Variants in CELF2 observed in about 807,000 individuals in gnomAD.
CELF2 encodes the protein CUGBP Elav-like family member 2, also known as CUG triplet repeat RNA-binding protein 2.
Under a neutral mutation model 62.6 loss-of-function variants are expected in CELF2, and 8 were observed. The ratio of observed to expected loss-of-function variants is 0.13; its 90% CI spans 0.07 to 0.23. CELF2 has a LOEUF of 0.23. CELF2 is among the 10% of genes least tolerant of loss of function. The pLI is 1.00. For missense variants in CELF2, 333 were observed against 671.0 expected (o/e 0.50, Z 5.56); for synonymous variants, 258 against 250.0 (o/e 1.03, Z -0.30).
intron 1 of CELF2, among the ~76,000 whole-genome samples, chr10:10,856,518 T>G (rs1406380663): frequency 6.6e-6 from 1 of 152,214 alleles, no homozygotes; most frequent in African/African-American, 2.4e-5. Flanking sequence ...CATATTCTTC[T>G]GCTTACTGAA....
At chr10:10,473,775 CAGAGTCACACACTAAGCT>C in the CELF2 span, among the ~76,000 whole-genome samples, 8 of 151,954 alleles carry the variant, frequency 5.3e-5, no homozygotes, top group Non-Finnish European at 1.2e-4. Context: ...ATTATTGGTC[CAGAGTCACACACTAAGCT>C]CTTGGAAGAA....
intron 2 of CELF2, among the ~76,000 whole-genome samples, chr10:11,199,402 C>A (rs1028107946): frequency 6.6e-6 from 1 of 152,124 alleles, no homozygotes; most frequent in Non-Finnish European, 1.5e-5. Flanking sequence ...CCGGGCCATC[C>A]TTGCTATTGC....
At chr10:10,508,704 G>GTATA in the CELF2 span, among the ~76,000 whole-genome samples, 87 of 60,942 alleles carry the variant, frequency 1.4e-3, no homozygotes, top group African/African-American at 4.4e-3. Context: ...GTGTGTGTGT[G>GTATA]TATATTTTTT....
At chr10:10,986,429 T>C (rs1176746445) in intron 2 of CELF2, among the ~76,000 whole-genome samples, 1 of 152,240 alleles carries the variant, frequency 6.6e-6, no homozygotes, top group African/African-American at 2.4e-5. Flanking sequence ...ACTGATTTTG[T>C]GGGTTTTCAT....
At chr10:10,749,729 G>T in the CELF2 span, among the ~76,000 whole-genome samples, 8 of 152,280 alleles carry the variant, frequency 5.3e-5, no homozygotes, top group African/African-American at 1.9e-4. Context: ...CTATAAAGAC[G>T]AAAAGACTGG....
intron 1 of CELF2, among the ~76,000 whole-genome samples, chr10:11,065,016 A>G (rs1175071808): frequency 2.6e-5 from 4 of 152,214 alleles, no homozygotes; most frequent in Admixed American, 2.0e-4. Context: ...GCACATCTCT[A>G]TCAGTGTGAA....
At chr10:11,209,418 T>TA (rs921321011) in intron 2 of CELF2, among the ~76,000 whole-genome samples, 9 of 151,848 alleles carry the variant, frequency 5.9e-5, no homozygotes, top group Middle Eastern at 3.4e-3. Context: ...GATTTTGGGC[T>TA]AAAAAAAGGG....
chr10:10,476,813 A>G, the CELF2 span, among the ~76,000 whole-genome samples: 4 of 151,902 alleles, frequency 2.6e-5, no homozygotes, highest in South Asian at 2.1e-4. Context: ...GTTCTTTCTC[A>G]CAGAGTTAGC....
the CELF2 span, chr10:10,776,275 A>G: frequency 1.3e-5 from 2 of 153,386 alleles, no homozygotes; most frequent in South Asian, 4.1e-4. Flanking sequence ...GGAGTTTAGC[A>G]TACTCAGGAG....
At chr10:10,538,445 A>G in the CELF2 span, among the ~76,000 whole-genome samples, 2 of 152,100 alleles carry the variant, frequency 1.3e-5, no homozygotes, top group Non-Finnish European at 2.9e-5. Flanking sequence ...AGGCTCTTGA[A>G]TCTTTGCCAC....
At chr10:10,751,941 C>T in the CELF2 span, among the ~76,000 whole-genome samples, 706 of 152,186 alleles carry the variant, frequency 4.6e-3, 2 homozygotes, top group Admixed American at 7.3e-3. Flanking sequence ...AAAATACATC[C>T]ACAGATAAAA....
the CELF2 span, among the ~76,000 whole-genome samples, chr10:10,736,451 G>A: frequency 2.8e-5 from 4 of 140,784 alleles, no homozygotes; most frequent in African/African-American, 8.1e-5. Context: ...TTACAGAGAG[G>A]TATCACATAT....
the CELF2 span, among the ~76,000 whole-genome samples, chr10:10,610,019 C>T: frequency 3.3e-5 from 5 of 152,154 alleles, no homozygotes; most frequent in Non-Finnish European, 4.4e-5. Flanking sequence ...TAAATGTAAA[C>T]ATTATTTTCA....
intron 1 of CELF2, among the ~76,000 whole-genome samples, chr10:11,078,087 C>G (rs2072658128): frequency 6.6e-6 from 1 of 152,118 alleles, no homozygotes; most frequent in South Asian, 2.1e-4. Context: ...ATTCGTGTTT[C>G]ATCCATTTCG....
intron 1 of CELF2, among the ~76,000 whole-genome samples, chr10:10,906,771 T>C (rs1157524545): frequency 7.2e-6 from 1 of 139,048 alleles, no homozygotes; most frequent in South Asian, 2.2e-4. Flanking sequence ...CAGGCTGTAG[T>C]GCGGGGGCGC....
intron 7 of CELF2, among the ~76,000 whole-genome samples, chr10:11,271,441 C>A (rs949398093): frequency 2.6e-5 from 4 of 152,238 alleles, no homozygotes; most frequent in Non-Finnish European, 4.4e-5. Flanking sequence ...AGACAGTCCC[C>A]CGAGCGAGAT....
intron 3 of CELF2, among the ~76,000 whole-genome samples, chr10:11,234,938 T>C (rs1220375446): frequency 6.6e-6 from 1 of 152,114 alleles, no homozygotes; most frequent in Non-Finnish European, 1.5e-5. Flanking sequence ...ACTGTGTACT[T>C]TCATATATAT....
intron 1 of CELF2, among the ~76,000 whole-genome samples, chr10:10,891,568 G>A (rs941945431): frequency 6.6e-6 from 1 of 151,768 alleles, no homozygotes; most frequent in Non-Finnish European, 1.5e-5. Context: ...TTTTTCAAAC[G>A]AACAAACTGC....
chr10:10,526,715 A>C, the CELF2 span, among the ~76,000 whole-genome samples: 41 of 152,234 alleles, frequency 2.7e-4, no homozygotes, highest in African/African-American at 8.9e-4. Flanking sequence ...TTTGTTGAAT[A>C]CACAAATGGA....
Sources: gnomAD v4.1 joint callset for allele counts (sites outside exome capture counted in the v4.1 genomes callset) on GRCh38, gnomAD v4.1.1 for gene constraint, MANE v1.5 for transcripts, NCBI Gene and HGNC (gene_info 2026-07-23, HGNC 2026-07-21) for gene names.